The following KYNU variants were observed in gnomAD, a reference collection of about 807,000 sequenced individuals.
The protein encoded by KYNU is L-kynurenine hydrolase.
KYNU carries 54 observed loss-of-function variants against 59.2 expected under a neutral mutation model. The ratio of observed to expected loss-of-function variants is 0.91; its 90% CI spans 0.73 to 1.14. KYNU has a LOEUF of 1.14. Among genes scored for constraint, KYNU ranks in the 50% most tolerant of loss-of-function variants. The pLI is 0.00. For synonymous variants in KYNU, 177 were observed against 192.0 expected (o/e 0.92, Z 0.65); for missense variants, 567 against 554.4 (o/e 1.02, Z -0.23).
intron 4 of KYNU, among the ~76,000 whole-genome samples, chr2:142,948,459 A>T (rs994401917): frequency 1.3e-5 from 2 of 152,222 alleles, no homozygotes; most frequent in African/African-American, 4.8e-5. Flanking sequence ...GGCAATTTAC[A>T]AAGGAAAGAA....
intron 8 of KYNU, among the ~76,000 whole-genome samples, chr2:142,976,555 T>C (rs1573861821): frequency 6.6e-6 from 1 of 152,218 alleles, no homozygotes. Flanking sequence ...GATCGCCTTC[T>C]CTATGCACTT....
At chr2:143,041,122 C>T (rs1687030278) in intron 13 of KYNU, among the ~76,000 whole-genome samples, 1 of 152,008 alleles carries the variant, frequency 6.6e-6, no homozygotes, top group Non-Finnish European at 1.5e-5. Flanking sequence ...GATATATATA[C>T]ACTTCTCAGG....
intron 2 of KYNU, among the ~76,000 whole-genome samples, chr2:142,900,731 C>G (rs115334124): frequency 6.6e-6 from 1 of 152,086 alleles, no homozygotes; most frequent in East Asian, 1.9e-4. Flanking sequence ...AGAGATTGGC[C>G]GATGATTGCT....
At chr2:142,934,468 G>A (rs1683321494) in intron 4 of KYNU, among the ~76,000 whole-genome samples, 1 of 152,114 alleles carries the variant, frequency 6.6e-6, no homozygotes, top group South Asian at 2.1e-4. Flanking sequence ...GAAAGGAGTG[G>A]AGTTTGGCAT....
At chr2:142,910,190 G>A in intron 2 of KYNU, among the ~76,000 whole-genome samples, 1 of 145,766 alleles carries the variant, frequency 6.9e-6, no homozygotes, top group Non-Finnish European at 1.5e-5. Flanking sequence ...AGGCTGGAGT[G>A]CAGTGGTGTG....
At chr2:142,989,294 A>G (rs991434302) in intron 10 of KYNU, 8 of 777,832 alleles carry the variant, frequency 1.0e-5, no homozygotes, top group Non-Finnish European at 1.3e-5. Flanking sequence ...TAGCTGGTTT[A>G]ACTATGTTTA....
At chr2:143,021,660 C>G (rs1169775980) in intron 10 of KYNU, among the ~76,000 whole-genome samples, 1 of 152,130 alleles carries the variant, frequency 6.6e-6, no homozygotes, top group African/African-American at 2.4e-5. Flanking sequence ...CCAGAAATCA[C>G]AAGAACTCAC....
chr2:142,877,765 C>G (rs1681146143), intron 1 of KYNU, 29 bp downstream of exon 1: 1 of 152,150 alleles, frequency 6.6e-6, no homozygotes. Context: ...TAAAAACTCT[C>G]TACCCTAATG....
intron 8 of KYNU, among the ~76,000 whole-genome samples, chr2:142,963,965 T>C (rs1266379174): frequency 6.6e-6 from 1 of 152,192 alleles, no homozygotes; most frequent in Non-Finnish European, 1.5e-5. Flanking sequence ...ATTCTGTCAG[T>C]GTTCAAAAAG....
chr2:143,023,779 A>G (rs1686473949), intron 10 of KYNU, among the ~76,000 whole-genome samples: 2 of 151,890 alleles, frequency 1.3e-5, no homozygotes, highest in African/African-American at 4.8e-5. Context: ...TATCAAAATA[A>G]GTACTAAATA....
chr2:142,994,131 T>G (rs1685474789), intron 10 of KYNU, among the ~76,000 whole-genome samples: 1 of 152,028 alleles, frequency 6.6e-6, no homozygotes, highest in Non-Finnish European at 1.5e-5. Context: ...TGCTACATTT[T>G]CATGTGTTCT....
intron 2 of KYNU, among the ~76,000 whole-genome samples, chr2:142,899,158 A>G (rs1406288419): frequency 6.6e-6 from 1 of 152,146 alleles, no homozygotes; most frequent in Non-Finnish European, 1.5e-5. Context: ...ACGGACCAGA[A>G]GAGCGTGCAG....
intron 2 of KYNU, among the ~76,000 whole-genome samples, chr2:142,891,195 A>G (rs1681698729): frequency 6.6e-6 from 1 of 152,236 alleles, no homozygotes; most frequent in African/African-American, 2.4e-5. Flanking sequence ...CATTTTAAGT[A>G]TACAATTTAA....
At chr2:142,894,028 G>T (rs963296298) in intron 2 of KYNU, among the ~76,000 whole-genome samples, 1 of 152,084 alleles carries the variant, frequency 6.6e-6, no homozygotes, top group Non-Finnish European at 1.5e-5. Flanking sequence ...GACAATGTTT[G>T]GTCTTTTCTG....
chr2:142,997,095 A>G (rs779751285), intron 10 of KYNU, among the ~76,000 whole-genome samples: 15 of 152,192 alleles, frequency 9.9e-5, no homozygotes, highest in Admixed American at 6.6e-4. Flanking sequence ...CAAATTTGCT[A>G]TAACATTCTT....
At chr2:142,994,435 C>A (rs926718312) in intron 10 of KYNU, among the ~76,000 whole-genome samples, 4 of 152,050 alleles carry the variant, frequency 2.6e-5, no homozygotes, top group African/African-American at 9.7e-5. Context: ...GGGAATTATT[C>A]TTTTGTCCAG....
At chr2:142,882,473 TC>T (rs1681336077) in intron 1 of KYNU, among the ~76,000 whole-genome samples, 1 of 152,224 alleles carries the variant, frequency 6.6e-6, no homozygotes, top group South Asian at 2.1e-4. Flanking sequence ...CTGCTATTCC[TC>T]CCCCATCCCC....
At chr2:142,910,196 G>A (rs989584258) in intron 2 of KYNU, among the ~76,000 whole-genome samples, 1 of 137,746 alleles carries the variant, frequency 7.3e-6, no homozygotes, top group African/African-American at 2.7e-5. Context: ...GAGTGCAGTG[G>A]TGTGATCTCG....
At chr2:142,972,668 A>C (rs1684759027) in intron 8 of KYNU, among the ~76,000 whole-genome samples, 1 of 152,058 alleles carries the variant, frequency 6.6e-6, no homozygotes, top group Non-Finnish European at 1.5e-5. Flanking sequence ...TGGCAAGTAA[A>C]GGCTAGAATT....
Sources: gnomAD v4.1 joint callset for allele counts (sites outside exome capture counted in the v4.1 genomes callset) on GRCh38, gnomAD v4.1.1 for gene constraint, MANE v1.5 for transcripts, NCBI Gene and HGNC (gene_info 2026-07-23, HGNC 2026-07-21) for gene names.